The following DCLK2 variants were observed in gnomAD, a reference collection of about 807,000 sequenced individuals.
The protein encoded by DCLK2 is doublecortin like kinase 2.
Under a neutral mutation model 78.4 loss-of-function variants are expected in DCLK2, and 31 were observed. That is an observed-to-expected ratio of 0.40 (90% CI 0.30 to 0.53). The LOEUF (loss-of-function observed/expected upper bound fraction) is 0.53, where lower values mean the gene tolerates loss of function less well. DCLK2 is among the 20% of genes least tolerant of loss of function. DCLK2 has a pLI of 0.61. For synonymous variants in DCLK2, 407 were observed against 374.9 expected (o/e 1.09, Z -0.99); for missense variants, 872 against 973.7 (o/e 0.90, Z 1.39).
intron 2 of DCLK2, among the ~76,000 whole-genome samples, chr4:150,181,518 C>T (rs1737517507): frequency 6.6e-6 from 1 of 152,106 alleles, no homozygotes. Flanking sequence ...GAGGCACTTC[C>T]TAAAGCCAAA....
chr4:150,175,043 T>C (rs1292400278), intron 2 of DCLK2, among the ~76,000 whole-genome samples: 1 of 37,284 alleles, frequency 2.7e-5, no homozygotes, highest in African/African-American at 8.9e-5. Flanking sequence ...TTTATATATA[T>C]TTATATATTT....
intron 2 of DCLK2, among the ~76,000 whole-genome samples, chr4:150,159,979 C>T (rs935300673): frequency 3.3e-5 from 5 of 150,182 alleles, no homozygotes; most frequent in Admixed American, 6.7e-5. Context: ...TGTTTGCAGA[C>T]CCTCTTTGAT....
chr4:150,080,139 G>A (rs1321171618), intron 1 of DCLK2, among the ~76,000 whole-genome samples: 1 of 148,114 alleles, frequency 6.8e-6, no homozygotes, highest in South Asian at 2.1e-4. Context: ...TCTAATGTGG[G>A]ACCCTGGTTA....
chr4:150,116,562 C>G (rs1486595067), intron 2 of DCLK2, among the ~76,000 whole-genome samples: 1 of 152,124 alleles, frequency 6.6e-6, no homozygotes, highest in African/African-American at 2.4e-5. Context: ...GTACTCCAGG[C>G]TGGTGCTAGG....
At chr4:150,253,118 C>CTCCTCA in intron 15 of DCLK2, 1 of 449,390 alleles carries the variant, frequency 2.2e-6, no homozygotes, top group South Asian at 1.6e-5. Flanking sequence ...CCTCCTCATC[C>CTCCTCA]TCCTCATCCT....
intron 7 of DCLK2, among the ~76,000 whole-genome samples, 195 bp downstream of exon 7, chr4:150,221,980 A>G (rs529509970): frequency 7.3e-5 from 11 of 150,650 alleles, no homozygotes; most frequent in Admixed American, 3.3e-4. Context: ...TTGTTTGTTT[A>G]TTTATTTATT....
At chr4:150,145,531 G>T (rs1476529862) in intron 2 of DCLK2, among the ~76,000 whole-genome samples, 1 of 152,120 alleles carries the variant, frequency 6.6e-6, no homozygotes, top group Non-Finnish European at 1.5e-5. Flanking sequence ...ATTTACTTTT[G>T]CCACTTGAGT....
intron 2 of DCLK2, among the ~76,000 whole-genome samples, chr4:150,135,297 A>G (rs764414610): frequency 2.0e-5 from 3 of 152,184 alleles, no homozygotes; most frequent in Non-Finnish European, 1.5e-5. Flanking sequence ...AAGTGAAGAA[A>G]TCTGTTGGAA....
chr4:150,110,533 T>C (rs1327828816), intron 2 of DCLK2, among the ~76,000 whole-genome samples: 2 of 152,064 alleles, frequency 1.3e-5, no homozygotes, highest in Non-Finnish European at 2.9e-5. Context: ...TTTGGTTACA[T>C]GGATGAATTG....
intron 2 of DCLK2, among the ~76,000 whole-genome samples, chr4:150,191,230 G>A (rs1158885899): frequency 6.6e-6 from 1 of 152,048 alleles, no homozygotes; most frequent in Non-Finnish European, 1.5e-5. Context: ...ACAGGGTTGG[G>A]GGTCAGTTGA....
chr4:150,104,260 C>T (rs1030221018), intron 2 of DCLK2, among the ~76,000 whole-genome samples: 1 of 151,436 alleles, frequency 6.6e-6, no homozygotes, highest in Non-Finnish European at 1.5e-5. Flanking sequence ...TGGTGGTGCA[C>T]TCCTATAGTT....
At chr4:150,255,063 C>T (rs539345475) in intron 15 of DCLK2, among the ~76,000 whole-genome samples, 5 of 152,290 alleles carry the variant, frequency 3.3e-5, no homozygotes, top group South Asian at 2.1e-4. Context: ...CCCTGAAGGC[C>T]GCCACCCAAG....
intron 2 of DCLK2, among the ~76,000 whole-genome samples, chr4:150,130,413 A>G (rs1353274122): frequency 6.6e-6 from 1 of 152,014 alleles, no homozygotes; most frequent in Non-Finnish European, 1.5e-5. Flanking sequence ...AAGTAGAGAG[A>G]CTGTTCCCAT....
intron 2 of DCLK2, among the ~76,000 whole-genome samples, chr4:150,183,513 G>T (rs1737683262): frequency 6.6e-6 from 1 of 152,216 alleles, no homozygotes; most frequent in South Asian, 2.1e-4. Flanking sequence ...CCAAGTATTT[G>T]CTATATCTTT....
chr4:150,168,203 C>T (rs1453141203), intron 2 of DCLK2, among the ~76,000 whole-genome samples: 2 of 152,004 alleles, frequency 1.3e-5, no homozygotes, highest in African/African-American at 4.8e-5. Context: ...ATTAGCTGGG[C>T]GTGGTGGCAG....
At chr4:150,132,066 C>A (rs571745925) in intron 2 of DCLK2, among the ~76,000 whole-genome samples, 1 of 152,106 alleles carries the variant, frequency 6.6e-6, no homozygotes, top group Non-Finnish European at 1.5e-5. Context: ...GCTGTGGTAT[C>A]CTTGTGCTCT....
chr4:150,126,869 T>A (rs1236834207), intron 2 of DCLK2, among the ~76,000 whole-genome samples: 7 of 152,212 alleles, frequency 4.6e-5, no homozygotes. Flanking sequence ...CCCACATGGA[T>A]TTACTTGTCA....
intron 10 of DCLK2, among the ~76,000 whole-genome samples, chr4:150,235,071 G>T (rs1450705087): frequency 6.6e-6 from 1 of 152,144 alleles, no homozygotes. Context: ...TCTAGTTACT[G>T]CATTCTCTGA....
At chr4:150,165,144 G>A (rs537349084) in intron 2 of DCLK2, among the ~76,000 whole-genome samples, 1 of 152,366 alleles carries the variant, frequency 6.6e-6, no homozygotes, top group African/African-American at 2.4e-5. Context: ...ACCTTCGGGA[G>A]AGGAACTTCC....
Sources: gnomAD v4.1 joint callset for allele counts (sites outside exome capture counted in the v4.1 genomes callset) on GRCh38, gnomAD v4.1.1 for gene constraint, MANE v1.5 for transcripts, NCBI Gene and HGNC (gene_info 2026-07-23, HGNC 2026-07-21) for gene names.